The following PRICKLE1 variants were observed in gnomAD, a reference collection of about 807,000 sequenced individuals.
PRICKLE1 encodes the protein prickle planar cell polarity protein 1, also known as prickle-like protein 1.
Under a neutral mutation model 70.2 loss-of-function variants are expected in PRICKLE1, and 14 were observed. The ratio of observed to expected loss-of-function variants is 0.20; its 90% confidence interval spans 0.13 to 0.31. PRICKLE1 has a LOEUF of 0.31. PRICKLE1 is among the 10% of genes least tolerant of loss of function. The pLI is 1.00. For missense variants in PRICKLE1, 821 were observed against 1,026.2 expected (o/e 0.80, Z 2.73); for synonymous variants, 357 against 379.9 (o/e 0.94, Z 0.70).
Position 42,584,898 on chromosome 12 carries a change from A to G in PRICKLE1, c.-49+4567T>C, listed in dbSNP as rs552975901. Among the ~76,000 whole-genome samples the G allele has an allele frequency of 7.9e-5, 12 of 152,328 alleles. No individual in the cohort carries two copies. In the South Asian group the frequency reaches 1.2e-3, roughly 16 times the overall value. On this transcript the variant is annotated intron_variant, in intron 1 of 7. Coordinates refer to ENST00000345127, the MANE Select transcript of PRICKLE1 (RefSeq NM_153026.3). ...GACAGATCTTTCTTCCGGAGACCCA[A>G]TGAGAAAAGGACACAGAGAGAAGCA...
intron 1 of PRICKLE1, among the ~76,000 whole-genome samples, chr12:42,553,571 T>C (rs1012862337): frequency 3.9e-5 from 6 of 152,066 alleles, no homozygotes; most frequent in Non-Finnish European, 5.9e-5. Context: ...TATTCCATCA[T>C]TGCCCAGGGT....
At chr12:42,534,046 G>C (rs892986910) in intron 1 of PRICKLE1, among the ~76,000 whole-genome samples, 1 of 152,024 alleles carries the variant, frequency 6.6e-6, no homozygotes, top group Non-Finnish European at 1.5e-5. Flanking sequence ...ATTTTATTGA[G>C]AAATAATGAT....
intron 1 of PRICKLE1, among the ~76,000 whole-genome samples, chr12:42,530,680 A>ATTTTTTTTTTTT (rs34675637): frequency 1.0e-5 from 1 of 97,100 alleles, no homozygotes; most frequent in Non-Finnish European, 1.9e-5. Flanking sequence ...TTATCAAATA[A>ATTTTTTTTTTTT]TTTTTTTTTT....
intron 4 of PRICKLE1, among the ~76,000 whole-genome samples, chr12:42,469,122 C>A (rs552968857): frequency 3.9e-5 from 6 of 152,124 alleles, no homozygotes; most frequent in Non-Finnish European, 8.8e-5. Flanking sequence ...GAACTGCCAG[C>A]AAAGATCTGA....
intron 1 of PRICKLE1, among the ~76,000 whole-genome samples, chr12:42,532,802 C>T (rs1663519697): frequency 6.6e-6 from 1 of 150,434 alleles, no homozygotes; most frequent in African/African-American, 2.4e-5. Context: ...GAGGCTGAGG[C>T]AGGAGAATGG....
At chr12:42,475,566 C>T (rs1593119483) in intron 1 of PRICKLE1, among the ~76,000 whole-genome samples, 1 of 152,232 alleles carries the variant, frequency 6.6e-6, no homozygotes, top group East Asian at 1.9e-4. Context: ...AGCCAAGCTA[C>T]CTGCGCTGCA....
chr12:42,578,305 T>C (rs1299074885), intron 1 of PRICKLE1, among the ~76,000 whole-genome samples: 1 of 152,212 alleles, frequency 6.6e-6, no homozygotes, highest in Admixed American at 6.5e-5. Context: ...AGGAGATTGT[T>C]TGAGTGAAAG....
At chr12:42,492,477 A>G (rs541044430) in intron 1 of PRICKLE1, among the ~76,000 whole-genome samples, 1 of 152,364 alleles carries the variant, frequency 6.6e-6, no homozygotes, top group African/African-American at 2.4e-5. Flanking sequence ...GTGTCAGTAA[A>G]GAATTATTTC....
chr12:42,464,423 C>G lies in PRICKLE1; in HGVS notation c.1611G>C (p.Met537Ile). Reference protein sequence around the residue: ...LKPEQSVRDSMDSLALSNITG... With the variant: ...LKPEQSVRDSIDSLALSNITG... ...TGATATTGGACAATGCCAAAGAATCCATCGAATCCCGAACACTTTGCTCTG... is the reference window on the plus strand; with the variant it reads ...TGATATTGGACAATGCCAAAGAATCGATCGAATCCCGAACACTTTGCTCTG... The change falls in exon 7 of 8, where the codon ATG becomes ATC. Residue 537 changes from methionine (M) to isoleucine (I), a missense_variant. Transcript: ENST00000345127. The surrounding 1 kb of genome is among the most constrained non-coding windows in gnomAD (Gnocchi z 4.2). 1.2e-6 allele frequency: 2 copies of G among 1,614,034 alleles called. No homozygotes were observed. Among genetic ancestry groups the G allele is most frequent in the East Asian group, 4.5e-5 (2 of 44,866 alleles).
chr12:42,580,725 C>T (rs1940883369), intron 1 of PRICKLE1, among the ~76,000 whole-genome samples: 1 of 152,196 alleles, frequency 6.6e-6, no homozygotes, highest in East Asian at 1.9e-4. Flanking sequence ...GGTGAACAAA[C>T]ATGGCTCCTT....
rs1050986045 is a variant in PRICKLE1 at position 42,459,569 on chromosome 12, C to T, written c.*240G>A. Reference sequence around the variant, plus strand: ...CCAAAGCAGCTACGTCCATCTGTAACGCACCCGCACCGGACAGGCACGAGA... The same window carrying T: ...CCAAAGCAGCTACGTCCATCTGTAATGCACCCGCACCGGACAGGCACGAGA... On this transcript the variant is annotated 3_prime_UTR_variant, in exon 8 of 8. Coordinates refer to ENST00000345127, the MANE Select transcript of PRICKLE1 (RefSeq NM_153026.3). 2.4e-5 allele frequency: 15 copies of T among 621,426 alleles called. No homozygotes were observed. Among genetic ancestry groups the T allele is most frequent in the Non-Finnish European group, 4.0e-5 (14 of 351,504 alleles). 38.5% of individuals were successfully genotyped at this position (621,426 alleles called of 1,614,324 possible). A position where few individuals can be genotyped will look rare whatever the true frequency, so the allele number is the denominator to read the frequency against.
At position 42,460,657 on chromosome 12, in the gene PRICKLE1, C is replaced by T. The variant is rs760050261; in HGVS notation, c.1648G>A (p.Val550Met). 3.1e-5 allele frequency: 50 copies of T among 1,608,900 alleles called. No individual in the cohort carries two copies. Among genetic ancestry groups the T allele is most frequent in the Non-Finnish European group, 3.6e-5 (43 of 1,180,018 alleles). The change falls in exon 8 of 8, where the codon GTG (valine) becomes ATG (methionine). Residue 550 changes from valine (V) to methionine (M), a missense_variant. By Grantham distance (21) the Val-to-Met change is conservative (BLOSUM62 1). Coordinates refer to ENST00000345127, the MANE Select transcript of PRICKLE1 (RefSeq NM_153026.3). ...GGCCTTGGCTTGTTTTCTCCATCCA[C>T]CGAAGCCCCTAGAAGAGAGGCCAAA... is the stretch of plus-strand genomic sequence containing the variant. ...LALSNITGAS[V>M]DGENKPRPSL...
intron 1 of PRICKLE1, among the ~76,000 whole-genome samples, chr12:42,558,628 G>A (rs374745505): frequency 2.6e-5 from 4 of 152,196 alleles, no homozygotes; most frequent in African/African-American, 4.8e-5. Flanking sequence ...CCACAAGCTC[G>A]CTGTCTTTGA....
At chr12:42,527,813 G>T (rs1258985809) in intron 1 of PRICKLE1, among the ~76,000 whole-genome samples, 1 of 151,000 alleles carries the variant, frequency 6.6e-6, no homozygotes, top group African/African-American at 2.4e-5. Context: ...TGATCAAGAA[G>T]CACTGATATT....
At chr12:42,559,494 C>T (rs1289776651) in intron 1 of PRICKLE1, among the ~76,000 whole-genome samples, 1 of 151,776 alleles carries the variant, frequency 6.6e-6, no homozygotes, top group African/African-American at 2.4e-5. Context: ...GATCCTCCCA[C>T]CTCAGCCTCT....
intron 1 of PRICKLE1, among the ~76,000 whole-genome samples, chr12:42,547,284 G>C (rs984163930): frequency 2.6e-5 from 4 of 152,166 alleles, no homozygotes; most frequent in Admixed American, 2.6e-4. Context: ...ACAAAGGTTT[G>C]GGAGACAGAC....
At chr12:42,566,485 G>A (rs904382071) in intron 1 of PRICKLE1, among the ~76,000 whole-genome samples, 6 of 152,108 alleles carry the variant, frequency 3.9e-5, no homozygotes, top group African/African-American at 1.4e-4. Context: ...CTGGTAGAGT[G>A]GACCAGACCT....
intron 1 of PRICKLE1, among the ~76,000 whole-genome samples, chr12:42,541,216 T>C (rs1295044679): frequency 6.6e-6 from 1 of 152,216 alleles, no homozygotes; most frequent in Non-Finnish European, 1.5e-5. Flanking sequence ...TTGGCGATTA[T>C]ATGCATAATT....
At chr12:42,552,153 G>T (rs1282018459) in intron 1 of PRICKLE1, among the ~76,000 whole-genome samples, 1 of 146,596 alleles carries the variant, frequency 6.8e-6, no homozygotes, top group South Asian at 2.1e-4. Context: ...TACAACCTCT[G>T]CCTCCTGGGC....
Sources: gnomAD v4.1 joint callset for allele counts (sites outside exome capture counted in the v4.1 genomes callset) on GRCh38, gnomAD v4.1.1 for gene constraint, Gnocchi (gnomAD v3.1) non-coding constraint, MANE v1.5 for transcripts, NCBI Gene and HGNC (gene_info 2026-07-23, HGNC 2026-07-21) for gene names.